Variants in GLYATL3 observed in about 807,000 individuals in gnomAD.
GLYATL3 encodes glycine N-acyltransferase-like protein 3.
A neutral mutation model predicts 28.5 loss-of-function variants in GLYATL3; 31 were observed. The observed-to-expected ratio is 1.09, with a 90% CI of 0.82 to 1.47. GLYATL3 has a LOEUF of 1.47. Ranked by LOEUF, GLYATL3 falls within the 40% of genes most tolerant of loss-of-function variation. GLYATL3 has a pLI of 0.00. For missense variants in GLYATL3, 369 were observed against 351.5 expected (o/e 1.05, Z -0.40); for synonymous variants, 141 against 140.2 (o/e 1.01, Z -0.04).
intron 1 of GLYATL3, among the ~76,000 whole-genome samples, chr6:49,508,220 C>T (rs1417255350): frequency 3.3e-5 from 5 of 151,890 alleles, no homozygotes; most frequent in Middle Eastern, 3.4e-3. Flanking sequence ...GGCGTGAACC[C>T]GGGAGGCAGA....
chr6:49,514,762 G>A (rs916432388), intron 2 of GLYATL3, among the ~76,000 whole-genome samples: 14 of 152,134 alleles, frequency 9.2e-5, no homozygotes, highest in African/African-American at 3.4e-4. Context: ...GAACCCAGGA[G>A]GCGGAGGTTG....
At chr6:49,505,037 G>A (rs1165861076) in intron 1 of GLYATL3, among the ~76,000 whole-genome samples, 1 of 152,198 alleles carries the variant, frequency 6.6e-6, no homozygotes, top group South Asian at 2.1e-4. Context: ...GAACAGTGTT[G>A]TACAATTTGT....
intron 5 of GLYATL3, among the ~76,000 whole-genome samples, chr6:49,523,718 C>T (rs1393920518): frequency 6.6e-6 from 1 of 152,130 alleles, no homozygotes; most frequent in Non-Finnish European, 1.5e-5. Context: ...CCGATATTGT[C>T]GTAATATTTT....
chr6:49,521,334 G>A (rs1477283294), intron 4 of GLYATL3, among the ~76,000 whole-genome samples: 3 of 152,110 alleles, frequency 2.0e-5, no homozygotes, highest in Admixed American at 6.6e-5. Flanking sequence ...AGGTTAGTCC[G>A]AGAGTCCAAA....
chr6:49,516,532 A>G (rs75752982), intron 3 of GLYATL3, among the ~76,000 whole-genome samples: 14 of 152,288 alleles, frequency 9.2e-5, no homozygotes, highest in Non-Finnish European at 1.6e-4. Context: ...CACATTAGGA[A>G]GATTCTGAGA....
At chr6:49,501,857 A>G (rs376060133) in intron 1 of GLYATL3, among the ~76,000 whole-genome samples, 2 of 152,196 alleles carry the variant, frequency 1.3e-5, no homozygotes, top group East Asian at 3.9e-4. Flanking sequence ...TCGTCCATTT[A>G]TAGGCTATCC....
At chr6:49,508,193 G>A (rs908122220) in intron 1 of GLYATL3, among the ~76,000 whole-genome samples, 1 of 152,084 alleles carries the variant, frequency 6.6e-6, no homozygotes, top group African/African-American at 2.4e-5. Flanking sequence ...CTACTCGGGA[G>A]GCTGAGGCAG....
In GLYATL3 at chr6:49,521,761, A is replaced by G. The variant is rs1159222003; in HGVS notation, c.430A>G (p.Thr144Ala). Residue 144 changes from threonine (T) to alanine (A), a missense_variant, in exon 5 of 6, where the codon ACC becomes GCC. Coordinates refer to ENST00000371197, the MANE Select transcript of GLYATL3 (RefSeq NM_001010904.2). ...HFSPVSSLPD[T>A]SFLKGPSPRL... ...TTCTCCTGTTTCATCTCTGCCAGAT[A>G]CCAGTTTCCTGTATGTAAACCAAGT... 6.4e-7 allele frequency: 1 copy of G among 1,551,388 alleles called. No homozygotes were observed. Among genetic ancestry groups the G allele is most frequent in the Non-Finnish European group, 8.7e-7 (1 of 1,146,828 alleles).
chr6:49,522,599 A>G (rs1264020784), intron 5 of GLYATL3, among the ~76,000 whole-genome samples: 1 of 152,222 alleles, frequency 6.6e-6, no homozygotes, highest in Non-Finnish European at 1.5e-5. Flanking sequence ...TAATATTAAA[A>G]AAAGTTGTAA....
chr6:49,505,693 A>G (rs1768999527), intron 1 of GLYATL3, among the ~76,000 whole-genome samples: 1 of 152,214 alleles, frequency 6.6e-6, no homozygotes, highest in African/African-American at 2.4e-5. Context: ...TGACAAAGGG[A>G]CCACAATAAT....
chr6:49,527,094 G>A lies in GLYATL3; in HGVS notation c.*180G>A, dbSNP rs1355422717. The A allele has an allele frequency of 1.8e-6, 1 of 561,640 alleles. No individual in the cohort carries two copies. The allele number at this position is 561,640 out of a possible 1,614,324, so 34.8% of individuals were successfully genotyped here. A position where few individuals can be genotyped will look rare whatever the true frequency, so the allele number is the denominator to read the frequency against. On this transcript the variant is annotated 3_prime_UTR_variant, in exon 6 of 6. Coordinates refer to ENST00000371197, the MANE Select transcript of GLYATL3 (RefSeq NM_001010904.2). The stretch of plus-strand genomic sequence containing the variant: ...ATTTTTCGTATCTCAGGTTTCTCCA[G>A]TAAATAGCTGTGGGGGTGAAGAGTA...
At chr6:49,518,438 T>C (rs922927628) in intron 4 of GLYATL3, among the ~76,000 whole-genome samples, 13 of 152,196 alleles carry the variant, frequency 8.5e-5, no homozygotes, top group Non-Finnish European at 1.2e-4. Context: ...GGCAATAATG[T>C]TGTTGTTTAT....
rs1769447164 is a variant in GLYATL3 at position 49,527,653 on chromosome 6, G to A, written c.*739G>A. Among the ~76,000 whole-genome samples, 1 of 152,106 alleles carries A rather than the reference G, an allele frequency of 6.6e-6. No homozygotes were observed. Among genetic ancestry groups the A allele is most frequent in the Non-Finnish European group, 1.5e-5 (1 of 68,022 alleles). On this transcript the variant is annotated 3_prime_UTR_variant, in exon 6 of 6. Coordinates refer to ENST00000371197, the MANE Select transcript of GLYATL3 (RefSeq NM_001010904.2). The stretch of plus-strand genomic sequence containing the variant: ...TGAATGACAATATGGGCATTTTGAT[G>A]CTATAAACAAATGCTGTCACCATAG...
At chr6:49,522,017 T>G (rs1401543453) in intron 5 of GLYATL3, among the ~76,000 whole-genome samples, 4 of 152,190 alleles carry the variant, frequency 2.6e-5, no homozygotes, top group Non-Finnish European at 4.4e-5. Flanking sequence ...ATAAATGAAC[T>G]CAGAATTCCT....
intron 2 of GLYATL3, among the ~76,000 whole-genome samples, chr6:49,513,363 A>T (rs1769156064): frequency 6.6e-6 from 1 of 152,142 alleles, no homozygotes; most frequent in Admixed American, 6.5e-5. Context: ...CCTTTGAATA[A>T]ATAGCTATTG....
At chr6:49,507,720 ACTCT>A (rs987644985) in intron 1 of GLYATL3, among the ~76,000 whole-genome samples, 1 of 151,944 alleles carries the variant, frequency 6.6e-6, no homozygotes, top group African/African-American at 2.4e-5. Context: ...ATGCAATGGG[ACTCT>A]CTCTTTGTTC....
intron 1 of GLYATL3, among the ~76,000 whole-genome samples, chr6:49,508,223 G>C (rs1173164181): frequency 2.6e-5 from 4 of 151,998 alleles, no homozygotes; most frequent in African/African-American, 9.7e-5. Context: ...GTGAACCCGG[G>C]AGGCAGAGCT....
At chr6:49,517,679 A>G in intron 4 of GLYATL3, 123 bp downstream of exon 4, 2 of 603,096 alleles carry the variant, frequency 3.3e-6, no homozygotes, top group African/African-American at 1.9e-5. Flanking sequence ...ACCTGTATGT[A>G]TAAATACATA....
intron 1 of GLYATL3, among the ~76,000 whole-genome samples, chr6:49,505,351 T>C (rs1768992529): frequency 6.6e-6 from 1 of 152,166 alleles, no homozygotes; most frequent in South Asian, 2.1e-4. Context: ...ATAAGCTGAG[T>C]CAGAGACAAT....
Sources: allele counts gnomAD v4.1 joint callset (sites outside exome capture counted in the v4.1 genomes callset), GRCh38; gene constraint gnomAD v4.1.1; transcripts MANE v1.5; gene names NCBI Gene and HGNC (gene_info 2026-07-23, HGNC 2026-07-21).